Variants in XIAP observed in about 807,000 individuals in gnomAD.
XIAP encodes the protein E3 ubiquitin-protein ligase XIAP.
Under a neutral mutation model 33.1 loss-of-function variants are expected in XIAP, and 3 were observed. That is an observed-to-expected ratio of 0.09 (90% CI 0.04 to 0.23). The LOEUF is 0.23. Ranked by LOEUF, XIAP falls within the 10% of genes least tolerant of loss-of-function variation. The probability of loss-of-function intolerance (pLI) is 1.00; values close to 1 mark genes in which losing one functional copy is unlikely to be tolerated. For synonymous variants in XIAP, 98 were observed against 121.3 expected (o/e 0.81, Z 1.26); for missense variants, 264 against 363.0 (o/e 0.73, Z 2.22).
At chrX:123,868,218 G>A (rs1474903756) in intron 1 of XIAP, among the ~76,000 whole-genome samples, 3 of 110,385 alleles carry the variant, frequency 2.7e-5, no homozygotes, top group African/African-American at 9.9e-5. Flanking sequence ...GCTTGAGCCC[G>A]GGAGGTCAAG....
At position 123,911,078 on chromosome X, in the gene XIAP, C is replaced by T. The variant is rs949656138; in HGVS notation, c.*3897C>T. On this transcript the variant is annotated 3_prime_UTR_variant, in exon 7 of 7. Coordinates refer to ENST00000371199, the MANE Select transcript of XIAP (RefSeq NM_001167.4). ...CTCCCATCCTAATACCCTTTTACCT[C>T]TCTGTGGGTTTGTCTTGACCTGGAA... 2 of 326,760 alleles carry T rather than the reference C, an allele frequency of 6.1e-6. No individual in the cohort carries two copies. The highest frequency in any genetic ancestry group is 3.2e-5 in the Admixed American group (1 of 31,731). The allele number at this position is 326,760 out of a possible 1,213,427, so 26.9% of individuals were successfully genotyped here.
intron 1 of XIAP, among the ~76,000 whole-genome samples, chrX:123,883,373 C>T (rs2053321737): frequency 9.0e-6 from 1 of 110,997 alleles, no homozygotes; most frequent in Admixed American, 9.7e-5. Flanking sequence ...CATGAGTCAC[C>T]GTGTCCGGCC....
rs756174545 is a variant in XIAP at position 123,907,973 on chromosome X, G to C, written c.*792G>C. 3 of 314,964 alleles carry C rather than the reference G, an allele frequency of 9.5e-6. No homozygotes were observed. The highest frequency in any genetic ancestry group is 1.8e-5 in the Non-Finnish European group (3 of 166,862). The allele number at this position is 314,964 out of a possible 1,213,427, so 26.0% of individuals were successfully genotyped here. A position where few individuals can be genotyped will look rare whatever the true frequency, so the allele number is the denominator to read the frequency against. On this transcript the variant is annotated 3_prime_UTR_variant, in exon 7 of 7. Coordinates refer to ENST00000371199, the MANE Select transcript of XIAP (RefSeq NM_001167.4). ...CTCTTCGGGGAGGGGGGGATTGGGG[G>C]AGGGGCCCCAGAGGGGTTTTATAGG...
chrX:123,896,162 GC>G (rs2053458564), intron 5 of XIAP, among the ~76,000 whole-genome samples: 1 of 110,988 alleles, frequency 9.0e-6, no homozygotes, highest in South Asian at 3.8e-4. Context: ...GACCTCCCTG[GC>G]TCAAGCAATT....
intron 1 of XIAP, among the ~76,000 whole-genome samples, chrX:123,862,043 G>T (rs939429050): frequency 9.0e-6 from 1 of 111,286 alleles, no homozygotes; most frequent in African/African-American, 3.3e-5. Flanking sequence ...ACAATTCAAA[G>T]AAGATTAGCA....
At chrX:123,884,944 C>CAAAAAAAAAAAAAAAAAAA (rs5903649) in intron 1 of XIAP, among the ~76,000 whole-genome samples, 11 of 92,093 alleles carry the variant, frequency 1.2e-4, no homozygotes, top group African/African-American at 3.7e-4. Context: ...ATGTCATGGG[C>CAAAAAAAAAAAAAAAAAAA]AAAAAAAAAA....
At position 123,912,686 on chromosome X, in the gene XIAP, G is replaced by GTT. The variant is rs374013599; in HGVS notation, c.*5518_*5519dup. 8.7e-5 allele frequency: 20 copies of GTT among 228,612 alleles called. No homozygotes were observed. Among genetic ancestry groups the GTT allele is most frequent in the Admixed American group, 3.4e-4 (7 of 20,761 alleles). The allele number at this position is 228,612 out of a possible 1,213,427, so 18.8% of individuals were successfully genotyped here. ...TGTGCATACATTATATGCAAATACT[G>GTT]TTTTTTTTTTTTTTAATTTAAACAG... On this transcript the variant is annotated 3_prime_UTR_variant, in exon 7 of 7. Transcript: ENST00000371199.
chrX:123,888,776 TG>T, intron 3 of XIAP, 58 bp downstream of exon 3: 1 of 1,029,260 alleles, frequency 9.7e-7, no homozygotes, highest in Non-Finnish European at 1.4e-6. Context: ...GTGGGAGACT[TG>T]AATTACTTTT....
chrX:123,911,597 G>T lies in XIAP; in HGVS notation c.*4416G>T, dbSNP rs1341897200. On this transcript the variant is annotated 3_prime_UTR_variant, in exon 7 of 7. Transcript: ENST00000371199. ...GGAGGCAGAGGCAGGAGGATCACTTGAGCCCATGAATTTGAGGCAGCAGTG... is the reference window on the plus strand; with the variant it reads ...GGAGGCAGAGGCAGGAGGATCACTTTAGCCCATGAATTTGAGGCAGCAGTG... 5 of 315,992 alleles carry T rather than the reference G, an allele frequency of 1.6e-5. No homozygotes were observed. The Admixed American group carries it at 1.7e-4, about 10-fold the overall frequency. The allele number at this position is 315,992 out of a possible 1,213,427, so 26.0% of individuals were successfully genotyped here.
chrX:123,863,189 A>G (rs1057420956), intron 1 of XIAP, among the ~76,000 whole-genome samples: 2 of 111,049 alleles, frequency 1.8e-5, no homozygotes, highest in African/African-American at 6.5e-5. Context: ...GGTGGCTTTC[A>G]CCTGTAATCC....
intron 1 of XIAP, among the ~76,000 whole-genome samples, chrX:123,878,413 C>G (rs1460199176): frequency 9.0e-6 from 1 of 111,605 alleles, no homozygotes; most frequent in African/African-American, 3.3e-5. Context: ...CTCCCCAGCC[C>G]TAGGCAACCA....
chrX:123,890,594 G>A (rs749600995), intron 3 of XIAP, among the ~76,000 whole-genome samples: 1 of 103,817 alleles, frequency 9.6e-6, no homozygotes, highest in Admixed American at 1.0e-4. Context: ...CACTGCACTC[G>A]GCGCCACTGC....
rs57436822 is a variant in XIAP at position 123,869,362 on chromosome X, C to CAAAAAAAAAAAAAAAAAAAAA, written c.-33+9071_-33+9091dup. Among the ~76,000 whole-genome samples, 128 of 29,715 alleles carry CAAAAAAAAAAAAAAAAAAAAA rather than the reference C, an allele frequency of 4.3e-3. 9 individuals are homozygous for CAAAAAAAAAAAAAAAAAAAAA. Among genetic ancestry groups the CAAAAAAAAAAAAAAAAAAAAA allele is most frequent in the Middle Eastern group, 0.025 (1 of 40 alleles). The allele number at this position is 29,715 out of a possible 115,157, so 25.8% of individuals were successfully genotyped here. A position where few individuals can be genotyped will look rare whatever the true frequency, so the allele number is the denominator to read the frequency against. ...AAACCCCATCTCTACTAAAAAAATACAAAAAAAAAAAAAAAAAAAAAAGCT... is the reference window on the plus strand; with the variant it reads ...AAACCCCATCTCTACTAAAAAAATACAAAAAAAAAAAAAAAAAAAAAAAAAAAAAAAAAAAAAAAAAAAGCT... On this transcript the variant is annotated intron_variant, in intron 1 of 6. Transcript: ENST00000371199.
intron 1 of XIAP, chrX:123,872,916 A>G (rs758002904): frequency 1.6e-4 from 18 of 111,156 alleles, no homozygotes; most frequent in African/African-American, 5.9e-4. Context: ...GGTACAGTGC[A>G]CTGGCACAAT....
At chrX:123,890,360 G>A (rs1169656883) in intron 3 of XIAP, among the ~76,000 whole-genome samples, 3 of 106,634 alleles carry the variant, frequency 2.8e-5, no homozygotes, top group African/African-American at 1.0e-4. Flanking sequence ...GTGGTGGCTC[G>A]TGCCTGTAAT....
chrX:123,898,295 C>G (rs767810540), intron 5 of XIAP, among the ~76,000 whole-genome samples: 11 of 112,526 alleles, frequency 9.8e-5, no homozygotes, highest in African/African-American at 3.5e-4. Context: ...AGTCTCCTAA[C>G]TGGTCTTTTG....
At chrX:123,900,930 T>C (rs1014323762) in intron 6 of XIAP, among the ~76,000 whole-genome samples, 2 of 112,015 alleles carry the variant, frequency 1.8e-5, no homozygotes, top group Non-Finnish European at 3.8e-5. Context: ...CTGGCTGATT[T>C]GGTTATTGAT....
intron 1 of XIAP, among the ~76,000 whole-genome samples, chrX:123,862,283 G>A (rs2053087621): frequency 9.2e-6 from 1 of 108,517 alleles, no homozygotes; most frequent in African/African-American, 3.4e-5. Context: ...TGGCCAGGCT[G>A]ATCTCGAACT....
Position 123,885,685 on chromosome X carries a change from G to A in XIAP, c.23G>A (p.Gly8Glu), listed in dbSNP as rs140889955. Residue 8 changes from glycine to glutamate, a missense_variant, in exon 2 of 7, where the codon GGA becomes GAA. Physicochemically the swap from Gly to Glu is moderately conservative, Grantham distance 98. Transcript: ENST00000371199. ...AAGATGACTTTTAACAGTTTTGAAGGATCTAAAACTTGTGTACCTGCAGAC... is the reference window on the plus strand; with the variant it reads ...AAGATGACTTTTAACAGTTTTGAAGAATCTAAAACTTGTGTACCTGCAGAC... MTFNSFE[G>E]SKTCVPADIN... The A allele has an allele frequency of 5.0e-5, 61 of 1,208,743 alleles. No individual in the cohort carries two copies. In the African/African-American group the frequency reaches 9.9e-4, roughly 20 times the overall value.
Sources: gnomAD v4.1 joint callset for allele counts (sites outside exome capture counted in the v4.1 genomes callset) on GRCh38, gnomAD v4.1.1 for gene constraint, MANE v1.5 for transcripts, NCBI Gene and HGNC (gene_info 2026-07-23, HGNC 2026-07-21) for gene names.